KDM5B: variants seen among roughly 807,000 people sequenced by gnomAD.
KDM5B encodes the protein lysine-specific demethylase 5B.
In KDM5B, 144 loss-of-function variants were observed where a neutral mutation model predicts 193.4. That is an observed-to-expected ratio of 0.74 (90% CI 0.65 to 0.86). The LOEUF (loss-of-function observed/expected upper bound fraction) is 0.86, where lower values mean the gene tolerates loss of function less well. KDM5B is among the 40% of genes least tolerant of loss of function. The pLI, the probability that KDM5B is intolerant of heterozygous loss-of-function variation, is 0.00. For missense variants in KDM5B, 1,833 were observed against 1,886.9 expected (o/e 0.97, Z 0.53); for synonymous variants, 668 against 682.6 (o/e 0.98, Z 0.33).
At position 202,775,856 on chromosome 1, in the gene KDM5B, C is replaced by CAAA. The variant is rs35222749; in HGVS notation, c.283-1124_283-1122dup. On this transcript the variant is annotated intron_variant, in intron 2 of 26. Transcript: ENST00000367265. ...TGGTGACAGAACAAGACTCTTGTCT[C>CAAA]AAAAAAAAAAAAAAAAAAAAAAAAT... 3.8e-3 allele frequency among the ~76,000 whole-genome samples: 81 copies of CAAA among 21,404 alleles called. 4 individuals are homozygous for CAAA. Among genetic ancestry groups the CAAA allele is most frequent in the African/African-American group, 8.6e-3 (46 of 5,320 alleles). The allele number at this position is 21,404 out of a possible 152,430, so 14.0% of individuals were successfully genotyped here. A position where few individuals can be genotyped will look rare whatever the true frequency, so the allele number is the denominator to read the frequency against.
intron 21 of KDM5B, among the ~76,000 whole-genome samples, chr1:202,735,857 C>T (rs1211187270): frequency 1.3e-5 from 2 of 152,080 alleles, no homozygotes; most frequent in Non-Finnish European, 2.9e-5. Flanking sequence ...AGCAAGTTTA[C>T]AGAAAATACA....
intron 22 of KDM5B, among the ~76,000 whole-genome samples, chr1:202,734,974 ATCT>A (rs1655041191): frequency 6.6e-6 from 1 of 152,236 alleles, no homozygotes; most frequent in Non-Finnish European, 1.5e-5. Flanking sequence ...ACATTGCCTC[ATCT>A]TCTTTAAACT....
At chr1:202,788,943 G>A (rs1254771601) in intron 1 of KDM5B, among the ~76,000 whole-genome samples, 2 of 152,092 alleles carry the variant, frequency 1.3e-5, no homozygotes, top group South Asian at 2.1e-4. Flanking sequence ...GTCTGTCAGG[G>A]GGAAGGGATT....
intron 1 of KDM5B, among the ~76,000 whole-genome samples, chr1:202,779,844 T>TAAAA (rs571022585): frequency 0.022 from 3,200 of 145,756 alleles, 116 homozygotes; most frequent in African/African-American, 0.07. Context: ...AATAAATAAA[T>TAAAA]AAAAAATAAA....
rs145095842 is a variant in KDM5B at position 202,727,138 on chromosome 1, C to T, written c.*1898G>A. 6.6e-6 allele frequency: 1 copy of T among 152,262 alleles called. No individual in the cohort carries two copies. Among genetic ancestry groups the T allele is most frequent in the African/African-American group, 2.4e-5 (1 of 41,454 alleles). The allele number at this position is 152,262 out of a possible 1,614,324, so 9.4% of individuals were successfully genotyped here. On this transcript the variant is annotated 3_prime_UTR_variant, in exon 27 of 27. Transcript: ENST00000367265. ...GTTGTGCTTACTAAGATGGCAAAAG[C>T]TCTCTAAAGGCAGTGGCTTTATATT...
chr1:202,767,429 T>C (rs957566646), intron 4 of KDM5B: 4 of 1,367,692 alleles, frequency 2.9e-6, no homozygotes, highest in Admixed American at 3.4e-5. Context: ...ATAGCGCTGC[T>C]GGAAGCTCTG....
chr1:202,803,921 T>C (rs1658181146), intron 1 of KDM5B, among the ~76,000 whole-genome samples: 5 of 124,296 alleles, frequency 4.0e-5, no homozygotes. Flanking sequence ...AAATTTGTCT[T>C]AAAAGGTAGT....
In KDM5B at chr1:202,774,632, T is replaced by C; in HGVS notation, c.386A>G (p.Asp129Gly). 1 of 1,612,070 alleles carries C rather than the reference T, an allele frequency of 6.2e-7. No individual in the cohort carries two copies. Reference protein sequence around the residue: ...KIPHVERKILDLFQLNKLVAE... With the variant: ...KIPHVERKILGLFQLNKLVAE... ...CTTTACCTTATTAAGCTGAAATAAG[T>C]CCAAGATCTTCCTCTCCACATGTGG... The change falls in exon 3 of 27, where the codon GAC becomes GGC. Residue 129 changes from aspartate to glycine, a missense_variant. This residue lies in a region of KDM5B where 355 missense variants were observed against 374.9 expected (regional missense o/e 0.95). Transcript: ENST00000367265.
intron 4 of KDM5B, among the ~76,000 whole-genome samples, chr1:202,771,427 T>C (rs188170674): frequency 2.0e-5 from 3 of 146,998 alleles, no homozygotes; most frequent in Admixed American, 7.0e-5. Flanking sequence ...TTTTAGTAAA[T>C]GCGGGGTTTT....
At position 202,794,091 on chromosome 1, in the gene KDM5B, C is replaced by A. The variant is rs371511655; in HGVS notation, c.204+14011G>T. ...TAATACTCAAATTTCACTGTATAAA[C>A]TTCTCTTATATCCACCCCTTTCCCC... On this transcript the variant is annotated intron_variant, in intron 1 of 26. Coordinates refer to ENST00000367265, the MANE Select transcript of KDM5B (RefSeq NM_006618.5). Among the ~76,000 whole-genome samples, 35 of 152,308 alleles carry A rather than the reference C, an allele frequency of 2.3e-4. 1 individual carries two copies. Among genetic ancestry groups the A allele is most frequent in the African/African-American group, 6.3e-4 (26 of 41,562 alleles).
chr1:202,772,605 C>G (rs1220774165), intron 4 of KDM5B, among the ~76,000 whole-genome samples: 1 of 152,168 alleles, frequency 6.6e-6, no homozygotes, highest in African/African-American at 2.4e-5. Context: ...ATTTCCTCCA[C>G]AATCTTACTC....
chr1:202,754,771 GC>G (rs1245482342), intron 11 of KDM5B, among the ~76,000 whole-genome samples: 6 of 152,266 alleles, frequency 3.9e-5, no homozygotes, highest in Admixed American at 1.3e-4. Flanking sequence ...TGCAACCTCT[GC>G]CTCCCAGGAT....
intron 1 of KDM5B, chr1:202,807,205 C>CTACA (rs1320754674): frequency 6.6e-6 from 1 of 152,318 alleles, no homozygotes; most frequent in Non-Finnish European, 1.5e-5. Flanking sequence ...TGACGTTCCC[C>CTACA]TACAAACACG....
At chr1:202,801,606 A>ATTTAATTTTTCATTTAATT (rs1658076764) in intron 1 of KDM5B, among the ~76,000 whole-genome samples, 1 of 152,204 alleles carries the variant, frequency 6.6e-6, no homozygotes, top group Non-Finnish European at 1.5e-5. Flanking sequence ...GAAGTGTACA[A>ATTTAATTTTTCATTTAATT]TTTAATTTTT....
At position 202,773,209 on chromosome 1, in the gene KDM5B, G is replaced by C. The variant is rs754489915; in HGVS notation, c.485C>G (p.Ala162Gly). 1.9e-6 allele frequency: 3 copies of C among 1,613,922 alleles called. No homozygotes were observed. The highest frequency in any genetic ancestry group is 2.5e-6 in the Non-Finnish European group (3 of 1,179,824). The change falls in exon 4 of 27, where the codon GCT becomes GGT. Residue 162 changes from alanine to glycine, a missense_variant. Physicochemically the swap from Ala to Gly is moderately conservative, Grantham distance 60. Around this residue, in one of 3 missense-constraint regions of KDM5B, gnomAD observed 355 missense variants for 374.9 expected, o/e 0.95. Coordinates refer to ENST00000367265, the MANE Select transcript of KDM5B (RefSeq NM_006618.5). ...WTKIATKMGFAPGKAVGSHIR... is the reference protein window; with the variant it reads ...WTKIATKMGFGPGKAVGSHIR... ...ATGTGAGCCCACTGCTTTGCCAGGAGCAAACCCCATCTTGGTAGCAATTTT... is the reference window on the plus strand; with the variant it reads ...ATGTGAGCCCACTGCTTTGCCAGGACCAAACCCCATCTTGGTAGCAATTTT...
At chr1:202,767,598 T>G (rs1365579595) in intron 4 of KDM5B, among the ~76,000 whole-genome samples, 1 of 152,168 alleles carries the variant, frequency 6.6e-6, no homozygotes, top group African/African-American at 2.4e-5. Context: ...TTTACAACTA[T>G]TTATGTAGAC....
At chr1:202,729,234 A>G in intron 26 of KDM5B, 61 bp from the exon 27 acceptor site, 12 of 1,596,342 alleles carry the variant, frequency 7.5e-6, no homozygotes, top group Non-Finnish European at 9.4e-6. Context: ...AAAATTGGGC[A>G]GGCCAGCCTC....
Position 202,754,586 on chromosome 1 carries a change from G to A in KDM5B, c.1538+685C>T, listed in dbSNP as rs114206725. On this transcript the variant is annotated intron_variant, in intron 11 of 26. Transcript: ENST00000367265. ...CACTGTGGTACCTACTATAATTCAC[G>A]CTTCTCCCAAAGGGGTATCCAGGCT... Among the ~76,000 whole-genome samples the A allele has an allele frequency of 3.1e-3, 475 of 152,294 alleles. 2 individuals are homozygous for A. The highest frequency in any genetic ancestry group is 5.5e-3 in the Non-Finnish European group (374 of 68,022).
chr1:202,799,484 T>A (rs1657987944), intron 1 of KDM5B, among the ~76,000 whole-genome samples: 1 of 152,000 alleles, frequency 6.6e-6, no homozygotes, highest in Non-Finnish European at 1.5e-5. Context: ...AGAAACCCCA[T>A]CTCTACTAAA....
Sources: gnomAD v4.1 joint callset for allele counts (sites outside exome capture counted in the v4.1 genomes callset) on GRCh38, gnomAD v4.1.1 for gene constraint, gnomAD v4.1.1 regional missense constraint, MANE v1.5 for transcripts, NCBI Gene and HGNC (gene_info 2026-07-23, HGNC 2026-07-21) for gene names.